The following FEZ2 variants were observed in gnomAD, a reference collection of about 807,000 sequenced individuals.
The protein encoded by FEZ2 is fasciculation and elongation protein zeta-2.
Under a neutral mutation model 40.4 loss-of-function variants are expected in FEZ2, and 51 were observed. The observed-to-expected ratio is 1.26, with a 90% CI of 1.01 to 1.59. FEZ2 has a LOEUF of 1.59. FEZ2 is among the 40% of genes most tolerant of loss of function. The pLI, the probability that FEZ2 is intolerant of heterozygous loss-of-function variation, is 0.00. For synonymous variants in FEZ2, 242 were observed against 172.0 expected, an observed-to-expected ratio of 1.41 and a Z score of -3.18; for missense variants, 640 against 438.3, an observed-to-expected ratio of 1.46 and a Z score of -4.11.
intron 5 of FEZ2, among the ~76,000 whole-genome samples, chr2:36,559,410 C>G (rs1342992715): frequency 1.3e-5 from 2 of 152,190 alleles, no homozygotes; most frequent in Non-Finnish European, 1.5e-5. Flanking sequence ...TATTTAACCT[C>G]GTGCCCTAAA....
At chr2:36,559,029 T>C (rs1039789921) in intron 5 of FEZ2, 3 of 152,236 alleles carry the variant, frequency 2.0e-5, no homozygotes, top group African/African-American at 7.2e-5. Context: ...ACTAGCTTCT[T>C]TCAGAAGCTA....
chr2:36,585,236 A>T (rs1241974767), intron 2 of FEZ2, among the ~76,000 whole-genome samples: 2 of 152,240 alleles, frequency 1.3e-5, no homozygotes, highest in African/African-American at 4.8e-5. Context: ...TCCTATATCC[A>T]GCTAAAACAA....
intron 5 of FEZ2, among the ~76,000 whole-genome samples, chr2:36,573,218 T>C (rs760322004): frequency 6.6e-6 from 1 of 152,210 alleles, no homozygotes; most frequent in Admixed American, 6.5e-5. Flanking sequence ...TGACATTCAA[T>C]TCAAAGATTT....
chr2:36,583,918 A>G (rs985205084), intron 2 of FEZ2: 1 of 159,954 alleles, frequency 6.3e-6, no homozygotes, highest in African/African-American at 2.4e-5. Flanking sequence ...GGATCTGTCC[A>G]TGAGCGTCAC....
chr2:36,559,128 G>C (rs558933262), intron 5 of FEZ2: 9 of 152,232 alleles, frequency 5.9e-5, no homozygotes, highest in African/African-American at 1.9e-4. Context: ...AGGCATTAAA[G>C]GAGAAAAGTT....
At chr2:36,567,324 AC>A (rs376034014) in intron 5 of FEZ2, among the ~76,000 whole-genome samples, 22 of 152,328 alleles carry the variant, frequency 1.4e-4, no homozygotes, top group African/African-American at 5.3e-4. Flanking sequence ...ACAGGACAGA[AC>A]ATCAAGTTAT....
At chr2:36,571,169 A>C (rs1668399125) in intron 5 of FEZ2, among the ~76,000 whole-genome samples, 1 of 152,204 alleles carries the variant, frequency 6.6e-6, no homozygotes, top group South Asian at 2.1e-4. Context: ...TCCACATCTA[A>C]AGTAATTCAT....
At chr2:36,584,338 A>G (rs1215843510) in intron 2 of FEZ2, among the ~76,000 whole-genome samples, 1 of 152,202 alleles carries the variant, frequency 6.6e-6, no homozygotes, top group Non-Finnish European at 1.5e-5. Flanking sequence ...CAGGACTGCT[A>G]AAGTACCAGT....
At position 36,555,627 on chromosome 2, in the gene FEZ2, T is replaced by C. The variant is rs986432247; in HGVS notation, c.1045+56A>G. The stretch of plus-strand genomic sequence containing the variant: ...TCTAATGTATTAGCAAGGCGATGTA[T>C]TTACTGACTAATCCAAACCTCCCAG... On this transcript the variant is annotated intron_variant, in intron 7 of 7. Transcript: ENST00000405912. The C allele has an allele frequency of 2.0e-5, 18 of 922,236 alleles. No homozygotes were observed. In the Admixed American group the frequency reaches 2.9e-4, roughly 15 times the overall value. The allele number at this position is 922,236 out of a possible 1,614,324, so 57.1% of individuals were successfully genotyped here. A position where few individuals can be genotyped will look rare whatever the true frequency, so the allele number is the denominator to read the frequency against.
chr2:36,588,163 G>A (rs1049049877), intron 2 of FEZ2, among the ~76,000 whole-genome samples: 1 of 152,020 alleles, frequency 6.6e-6, no homozygotes, highest in South Asian at 2.1e-4. Context: ...CAAGTATCTG[G>A]GATTACAGGC....
In FEZ2 at chr2:36,590,952, G is replaced by C; in HGVS notation, c.326C>G (p.Ser109Trp). ...GNVMPVDWKS[S>W]HTRTLHLLTL... ...AAGCAAGTGCAAGGTCCTAGTATGC[G>C]ATGACTTCCAGTCTACAGGCATCAC... The change falls in exon 2 of 8, where the codon TCG becomes TGG. Residue 109 changes from serine (S) to tryptophan (W), a missense_variant. Transcript: ENST00000405912. The C allele has an allele frequency of 2.5e-6, 4 of 1,613,054 alleles. No homozygotes were observed. Among genetic ancestry groups the C allele is most frequent in the Non-Finnish European group, 3.4e-6 (4 of 1,179,018 alleles).
At chr2:36,556,851 C>G (rs1242430629) in intron 6 of FEZ2, 1 of 152,154 alleles carries the variant, frequency 6.6e-6, no homozygotes, top group Non-Finnish European at 1.5e-5. Context: ...TAGCTTTTAT[C>G]AGGAAGACTA....
intron 5 of FEZ2, among the ~76,000 whole-genome samples, chr2:36,568,425 A>G (rs1303019987): frequency 6.6e-6 from 1 of 152,266 alleles, no homozygotes; most frequent in African/African-American, 2.4e-5. Context: ...ATAACGCAGT[A>G]TATCAGAAAA....
intron 5 of FEZ2, among the ~76,000 whole-genome samples, chr2:36,574,825 C>T (rs965368633): frequency 6.6e-6 from 1 of 152,178 alleles, no homozygotes; most frequent in Non-Finnish European, 1.5e-5. Context: ...AACCCCCCAT[C>T]CTCTGCTCCT....
In FEZ2 at chr2:36,597,990, G is replaced by T. The variant is rs538449049; in HGVS notation, c.153C>A (p.Ala51=). The T allele has an allele frequency of 6.7e-7, 1 of 1,497,068 alleles. No individual in the cohort carries two copies. The highest frequency in any genetic ancestry group is 8.9e-7 in the Non-Finnish European group (1 of 1,129,014). 92.7% of individuals were successfully genotyped at this position (1,497,068 alleles called of 1,614,324 possible). Residue 51 remains alanine (A), a synonymous_variant, in exon 1 of 8, where the codon GCC becomes GCA. Transcript: ENST00000405912. ...GGCTCAGCTTCTCCTCCAAGCTGCA[G>T]GCCGGGGCCGGGAAACCGTCGGCGC... ...GGGADGFPAP[A]CSLEEKLSLC...
At chr2:36,581,059 G>A (rs1317913549) in intron 4 of FEZ2, among the ~76,000 whole-genome samples, 2 of 152,182 alleles carry the variant, frequency 1.3e-5, no homozygotes, top group Non-Finnish European at 2.9e-5. Context: ...GGCTGAGGCA[G>A]AATTGCTTGA....
At chr2:36,590,652 G>A (rs777418979) in intron 2 of FEZ2, 39 of 393,594 alleles carry the variant, frequency 9.9e-5, no homozygotes, top group Non-Finnish European at 1.3e-4. Context: ...GTGAGACTCC[G>A]TCAAAAAAAA....
chr2:36,596,767 C>A (rs1669237222), intron 1 of FEZ2, among the ~76,000 whole-genome samples: 1 of 152,182 alleles, frequency 6.6e-6, no homozygotes. Context: ...CGCGCCCAAT[C>A]TTATTCCACT....
chr2:36,566,499 AT>A (rs1164667381), intron 5 of FEZ2, among the ~76,000 whole-genome samples: 4 of 152,200 alleles, frequency 2.6e-5, no homozygotes, highest in Non-Finnish European at 4.4e-5. Context: ...AAAAAAAAAA[AT>A]GTCAGATACT....
Sources: gnomAD v4.1 joint callset for allele counts (sites outside exome capture counted in the v4.1 genomes callset) on GRCh38, gnomAD v4.1.1 for gene constraint, MANE v1.5 for transcripts, NCBI Gene and HGNC (gene_info 2026-07-23, HGNC 2026-07-21) for gene names.